The following UBE2R2 variants were observed in gnomAD, a reference collection of about 807,000 sequenced individuals.
The protein encoded by UBE2R2 is ubiquitin conjugating enzyme E2 R2, also known as ubiquitin-conjugating enzyme E2 R2.
In UBE2R2, 1 loss-of-function variant was observed where a neutral mutation model predicts 27.8. That is an observed-to-expected ratio of 0.04 (90% CI 0.01 to 0.17). The LOEUF (loss-of-function observed/expected upper bound fraction) is 0.17, where lower values mean the gene tolerates loss of function less well. Among genes scored for constraint, UBE2R2 ranks in the 10% least tolerant of loss-of-function variants. The pLI is 1.00. For synonymous variants in UBE2R2, 106 were observed against 113.3 expected, an observed-to-expected ratio of 0.94 and a Z score of 0.41; for missense variants, 100 against 291.0, an observed-to-expected ratio of 0.34 and a Z score of 4.78.
intron 1 of UBE2R2, among the ~76,000 whole-genome samples, chr9:33,848,155 T>C (rs1820886542): frequency 6.6e-6 from 1 of 152,208 alleles, no homozygotes; most frequent in African/African-American, 2.4e-5. Context: ...TTTAAAATAG[T>C]TTCCAGTATT....
intron 1 of UBE2R2, among the ~76,000 whole-genome samples, chr9:33,843,755 G>A (rs35789253): frequency 0.068 from 10,333 of 152,264 alleles, 492 homozygotes; most frequent in Non-Finnish European, 0.099. Context: ...GATTACAGGC[G>A]TGAGCCACTG....
chr9:33,919,239 A>C lies in UBE2R2; in HGVS notation c.*2002A>C, dbSNP rs1822737444. ...CATACTTTGTAAGTAATGCTTCCAGATTAACCTGCAAATCTTGTGGAGCCA... is the reference window on the plus strand; with the variant it reads ...CATACTTTGTAAGTAATGCTTCCAGCTTAACCTGCAAATCTTGTGGAGCCA... On this transcript the variant is annotated 3_prime_UTR_variant, in exon 5 of 5. Coordinates refer to ENST00000263228, the MANE Select transcript of UBE2R2 (RefSeq NM_017811.4). 6.6e-6 allele frequency: 1 copy of C among 152,192 alleles called. No homozygotes were observed. The highest frequency in any genetic ancestry group is 1.5e-5 in the Non-Finnish European group (1 of 68,050). 9.4% of individuals were successfully genotyped at this position (152,192 alleles called of 1,614,324 possible).
intron 1 of UBE2R2, among the ~76,000 whole-genome samples, chr9:33,865,544 T>C (rs966748730): frequency 2.6e-5 from 4 of 152,178 alleles, no homozygotes; most frequent in Admixed American, 1.3e-4. Context: ...TTCTAGTTTG[T>C]TGTTAACTAT....
chr9:33,830,099 A>G (rs1262967493), intron 1 of UBE2R2, among the ~76,000 whole-genome samples: 2 of 150,966 alleles, frequency 1.3e-5, no homozygotes, highest in African/African-American at 2.4e-5. Context: ...GCCCAGCCTA[A>G]TCAGTGCAGT....
At chr9:33,863,020 C>T (rs1821276459) in intron 1 of UBE2R2, among the ~76,000 whole-genome samples, 1 of 151,910 alleles carries the variant, frequency 6.6e-6, no homozygotes, top group Non-Finnish European at 1.5e-5. Context: ...AACCACATCT[C>T]TACTAAAAAT....
chr9:33,886,873 C>T lies in UBE2R2; in HGVS notation c.178-8C>T, dbSNP rs1389280043. 2.5e-6 allele frequency: 4 copies of T among 1,571,084 alleles called. No individual in the cohort carries two copies. Among genetic ancestry groups the T allele is most frequent in the Non-Finnish European group, 3.4e-6 (4 of 1,168,142 alleles). ...CATTTATTAGCATTTCATTTTTTTT[C>T]TTTTCAGGCGCATATTAAATTTCCT... On this transcript the variant is annotated splice_polypyrimidine_tract_variant and splice_region_variant and intron_variant, in intron 1 of 4. Transcript: ENST00000263228.
chr9:33,833,717 TA>T (rs2130729801), intron 1 of UBE2R2, among the ~76,000 whole-genome samples: 1 of 152,346 alleles, frequency 6.6e-6, no homozygotes, highest in South Asian at 2.1e-4. Context: ...CTGTGAAGTG[TA>T]ACCAGCATCA....
chr9:33,842,211 G>A (rs1820746829), intron 1 of UBE2R2, among the ~76,000 whole-genome samples: 1 of 152,090 alleles, frequency 6.6e-6, no homozygotes, highest in South Asian at 2.1e-4. Flanking sequence ...ACCAGCCTGA[G>A]TGACATAGTG....
chr9:33,834,572 G>A lies in UBE2R2; in HGVS notation c.177+16638G>A, dbSNP rs571239644. On this transcript the variant is annotated intron_variant, in intron 1 of 4. Coordinates refer to ENST00000263228, the MANE Select transcript of UBE2R2 (RefSeq NM_017811.4). ...TTGTCACGATATTAGCTGTTAAATA[G>A]CTACTATTTAATTATATTTATAAAA... is the stretch of plus-strand genomic sequence containing the variant. Among the ~76,000 whole-genome samples the A allele has an allele frequency of 5.3e-5, 8 of 151,794 alleles. No homozygotes were observed. In the South Asian group the frequency reaches 1.5e-3, roughly 28 times the overall value.
chr9:33,816,024 T>C (rs1825746668), upstream of UBE2R2, among the ~76,000 whole-genome samples: 2 of 151,982 alleles, frequency 1.3e-5, no homozygotes, highest in Non-Finnish European at 2.9e-5. Flanking sequence ...CAGTGGGCCA[T>C]GATCGCGCCA....
At chr9:33,887,813 A>G (rs1245662371) in intron 2 of UBE2R2, among the ~76,000 whole-genome samples, 1 of 152,098 alleles carries the variant, frequency 6.6e-6, no homozygotes, top group Non-Finnish European at 1.5e-5. Flanking sequence ...AGTAGCTGGG[A>G]TTACAGGCAT....
At chr9:33,888,384 G>A (rs1013055766) in intron 2 of UBE2R2, among the ~76,000 whole-genome samples, 1 of 152,144 alleles carries the variant, frequency 6.6e-6, no homozygotes, top group Non-Finnish European at 1.5e-5. Context: ...TTTCGTAGCA[G>A]CATCCCAAGC....
At chr9:33,888,079 G>C (rs894574513) in intron 2 of UBE2R2, among the ~76,000 whole-genome samples, 3 of 152,244 alleles carry the variant, frequency 2.0e-5, no homozygotes, top group African/African-American at 7.2e-5. Context: ...TCTGAAAGCA[G>C]ACATTGTATG....
intron 2 of UBE2R2, among the ~76,000 whole-genome samples, chr9:33,889,310 A>G (rs1349421734): frequency 6.6e-6 from 1 of 152,180 alleles, no homozygotes; most frequent in East Asian, 1.9e-4. Flanking sequence ...CTTGTTTTTC[A>G]AGCCTGTTTT....
rs1587488684 is a variant in UBE2R2 at position 33,917,462 on chromosome 9, T to C, written c.*225T>C. 1.6e-6 allele frequency: 1 copy of C among 633,464 alleles called. No homozygotes were observed. The highest frequency in any genetic ancestry group is 2.8e-5 in the East Asian group (1 of 35,518). The allele number at this position is 633,464 out of a possible 1,614,324, so 39.2% of individuals were successfully genotyped here. ...AGAATGTCTGAATTCTTGCATTCTT[T>C]ACCCTTCCATCACTATATTGATTCT... On this transcript the variant is annotated 3_prime_UTR_variant, in exon 5 of 5. Coordinates refer to ENST00000263228, the MANE Select transcript of UBE2R2 (RefSeq NM_017811.4).
chr9:33,831,207 T>G (rs1820470432), intron 1 of UBE2R2: 1 of 151,980 alleles, frequency 6.6e-6, no homozygotes, highest in South Asian at 2.1e-4. Context: ...TTTGGGAGGT[T>G]GAGGCTGGTG....
chr9:33,878,743 A>G (rs1024290644), intron 1 of UBE2R2, among the ~76,000 whole-genome samples: 1 of 152,188 alleles, frequency 6.6e-6, no homozygotes, highest in Admixed American at 6.6e-5. Context: ...TTTATAGGAT[A>G]GTGTTTATGC....
In UBE2R2 at chr9:33,817,996, T is replaced by C; in HGVS notation, c.177+62T>C. 5 of 1,564,862 alleles carry C rather than the reference T, an allele frequency of 3.2e-6. No homozygotes were observed. The South Asian group carries it at 5.7e-5, about 18-fold the overall frequency. ...CCGAGGCCTCCGGCTCCCCGCCGCT[T>C]TCTGCAGTTCCTGGGACCAGGAGTA... On this transcript the variant is annotated intron_variant, in intron 1 of 4. Coordinates refer to ENST00000263228, the MANE Select transcript of UBE2R2 (RefSeq NM_017811.4).
At chr9:33,913,030 G>A (rs60262217) in intron 4 of UBE2R2, among the ~76,000 whole-genome samples, 2 of 150,604 alleles carry the variant, frequency 1.3e-5, no homozygotes, top group African/African-American at 4.9e-5. Flanking sequence ...GTGTGATCTC[G>A]GCTCACTGCA....
Sources: allele counts gnomAD v4.1 joint callset (sites outside exome capture counted in the v4.1 genomes callset), GRCh38; gene constraint gnomAD v4.1.1; transcripts MANE v1.5; gene names NCBI Gene and HGNC (gene_info 2026-07-23, HGNC 2026-07-21).